The following SCHIP1 variants were observed in gnomAD, a reference collection of about 807,000 sequenced individuals.
SCHIP1 encodes schwannomin-interacting protein 1.
A neutral mutation model predicts 29.7 loss-of-function variants in SCHIP1; 8 were observed. That is an observed-to-expected ratio of 0.27 (90% CI 0.16 to 0.49). The LOEUF is 0.49. SCHIP1 is among the 20% of genes least tolerant of loss of function. The probability of loss-of-function intolerance (pLI) is 0.99; values close to 1 mark genes in which losing one functional copy is unlikely to be tolerated. For synonymous variants in SCHIP1, 76 were observed against 94.9 expected (o/e 0.80, Z 1.16); for missense variants, 193 against 294.6 (o/e 0.66, Z 2.52).
chr3:159,273,550 C>A, the SCHIP1 span: 1 of 1,230,168 alleles, frequency 8.1e-7, no homozygotes, highest in Non-Finnish European at 1.0e-6. Context: ...TTGAAGAACA[C>A]TGGCAAAAAT....
At chr3:159,389,098 T>C in the SCHIP1 span, among the ~76,000 whole-genome samples, 56 of 152,066 alleles carry the variant, frequency 3.7e-4, no homozygotes, top group African/African-American at 1.3e-3. Flanking sequence ...GTGGACACAA[T>C]ATATAATATG....
At chr3:159,344,323 A>C in the SCHIP1 span, among the ~76,000 whole-genome samples, 1 of 125,906 alleles carries the variant, frequency 7.9e-6, no homozygotes, top group South Asian at 2.4e-4. Context: ...CTCCATCTCA[A>C]AAAAAAAAAA....
chr3:159,532,505 T>C, the SCHIP1 span, among the ~76,000 whole-genome samples: 3 of 152,254 alleles, frequency 2.0e-5, no homozygotes, highest in Non-Finnish European at 4.4e-5. Flanking sequence ...GCATATTTAG[T>C]ATTCAAAAAT....
chr3:159,439,353 G>A, the SCHIP1 span, among the ~76,000 whole-genome samples: 5 of 152,184 alleles, frequency 3.3e-5, no homozygotes, highest in African/African-American at 9.6e-5. Context: ...GGAAAGCAAG[G>A]CACTTTCTTC....
the SCHIP1 span, among the ~76,000 whole-genome samples, chr3:159,772,983 C>T: frequency 6.6e-6 from 1 of 152,160 alleles, no homozygotes; most frequent in Non-Finnish European, 1.5e-5. Flanking sequence ...TCAAGTGATC[C>T]GCCTGCCTCA....
At chr3:159,580,621 G>C in the SCHIP1 span, among the ~76,000 whole-genome samples, 1 of 152,124 alleles carries the variant, frequency 6.6e-6, no homozygotes, top group African/African-American at 2.4e-5. Flanking sequence ...AATGAGGCTA[G>C]AAAAAAGATG....
At chr3:159,499,912 A>C in the SCHIP1 span, among the ~76,000 whole-genome samples, 3 of 152,216 alleles carry the variant, frequency 2.0e-5, no homozygotes, top group African/African-American at 7.2e-5. Context: ...ACATCAGTGT[A>C]ATAAATCACA....
chr3:159,622,736 G>A, the SCHIP1 span, among the ~76,000 whole-genome samples: 1 of 151,964 alleles, frequency 6.6e-6, no homozygotes, highest in African/African-American at 2.4e-5. Context: ...GGCTCACACA[G>A]TGAAACCCCG....
the SCHIP1 span, among the ~76,000 whole-genome samples, chr3:159,702,868 C>A: frequency 6.6e-6 from 1 of 152,094 alleles, no homozygotes; most frequent in Non-Finnish European, 1.5e-5. Flanking sequence ...TTTTCAAGAC[C>A]AAGAAATAGC....
the SCHIP1 span, among the ~76,000 whole-genome samples, chr3:159,325,716 C>A: frequency 2.5e-4 from 38 of 152,052 alleles, no homozygotes; most frequent in South Asian, 7.7e-3. Context: ...CTAAAAGCAC[C>A]TGGATCTGGT....
At chr3:159,494,038 T>C in the SCHIP1 span, among the ~76,000 whole-genome samples, 8 of 152,208 alleles carry the variant, frequency 5.3e-5, no homozygotes, top group Admixed American at 5.2e-4. Flanking sequence ...GAAATAAAGA[T>C]GTTCTTTGAA....
At chr3:159,504,819 G>A in the SCHIP1 span, among the ~76,000 whole-genome samples, 12 of 151,968 alleles carry the variant, frequency 7.9e-5, no homozygotes, top group African/African-American at 1.5e-4. Context: ...AATAACCCCC[G>A]TTTTCACTGA....
the SCHIP1 span, among the ~76,000 whole-genome samples, chr3:159,631,723 T>C: frequency 6.6e-6 from 1 of 152,180 alleles, no homozygotes; most frequent in Non-Finnish European, 1.5e-5. Flanking sequence ...CTGGTTGAGA[T>C]AATGAAACAC....
At chr3:159,511,864 A>G in the SCHIP1 span, among the ~76,000 whole-genome samples, 13 of 152,366 alleles carry the variant, frequency 8.5e-5, no homozygotes, top group Non-Finnish European at 1.6e-4. Flanking sequence ...ATTAAAAACC[A>G]AAACATGAAA....
At chr3:159,565,619 C>T in the SCHIP1 span, among the ~76,000 whole-genome samples, 6 of 152,188 alleles carry the variant, frequency 3.9e-5, no homozygotes, top group Non-Finnish European at 7.4e-5. Context: ...AAGGAAACTT[C>T]TTTGTGTTTA....
chr3:159,670,620 A>T, the SCHIP1 span, among the ~76,000 whole-genome samples: 2 of 152,194 alleles, frequency 1.3e-5, no homozygotes, highest in South Asian at 2.1e-4. Context: ...CTATATGGAC[A>T]ATTAATGTGT....
the SCHIP1 span, among the ~76,000 whole-genome samples, chr3:159,368,615 C>A: frequency 6.6e-6 from 1 of 152,100 alleles, no homozygotes; most frequent in Non-Finnish European, 1.5e-5. Flanking sequence ...ATTTGACAAC[C>A]CTCTAAGGTA....
the SCHIP1 span, among the ~76,000 whole-genome samples, chr3:159,660,324 T>G: frequency 6.6e-6 from 1 of 152,280 alleles, no homozygotes; most frequent in South Asian, 2.1e-4. Flanking sequence ...ACCTTTTGCT[T>G]TAGTACCTTT....
the SCHIP1 span, among the ~76,000 whole-genome samples, chr3:159,354,684 T>A: frequency 9.9e-5 from 15 of 152,250 alleles, no homozygotes; most frequent in East Asian, 2.9e-3. Context: ...TATTTCCAAA[T>A]CTGACTGGCA....
Sources: allele counts gnomAD v4.1 joint callset (sites outside exome capture counted in the v4.1 genomes callset), GRCh38; gene constraint gnomAD v4.1.1; transcripts MANE v1.5; gene names NCBI Gene and HGNC (gene_info 2026-07-23, HGNC 2026-07-21).